Variants in MALRD1 observed in about 807,000 individuals in gnomAD.
MALRD1 encodes MAM and LDL-receptor class A domain-containing protein 1.
A neutral mutation model predicts 242.1 loss-of-function variants in MALRD1; 247 were observed. That is an observed-to-expected ratio of 1.02 (90% CI 0.92 to 1.13). The LOEUF is 1.13. Among genes scored for constraint, MALRD1 ranks in the 50% most tolerant of loss-of-function variants. The pLI, the probability that MALRD1 is intolerant of heterozygous loss-of-function variation, is 0.00. For synonymous variants in MALRD1, 995 were observed against 866.6 expected, an observed-to-expected ratio of 1.15 and a Z score of -2.60; for missense variants, 2,989 against 2,533.1, an observed-to-expected ratio of 1.18 and a Z score of -3.86.
Position 19,257,876 on chromosome 10 carries a change from G to C in MALRD1, c.3079+105G>C. 7 of 724,386 alleles carry C rather than the reference G, an allele frequency of 9.7e-6. No individual in the cohort carries two copies. In the South Asian group the frequency reaches 1.9e-4, roughly 20 times the overall value. The allele number at this position is 724,386 out of a possible 1,614,324, so 44.9% of individuals were successfully genotyped here. ...TCTACAAAATTTCCAATATGACCTT[G>C]CTTTTATTCTTTTTCTCAAAACTAT... On this transcript the variant is annotated intron_variant, in intron 19 of 39. Coordinates refer to ENST00000454679, the MANE Select transcript of MALRD1 (RefSeq NM_001142308.3).
At chr10:19,207,744 TGCCCGCCTTG>T (rs1441283655) in intron 17 of MALRD1, among the ~76,000 whole-genome samples, 2 of 152,134 alleles carry the variant, frequency 1.3e-5, no homozygotes, top group Non-Finnish European at 2.9e-5. Flanking sequence ...TCGAGTGATC[TGCCCGCCTTG>T]GCCTCCCAAA....
At chr10:19,061,919 A>T (rs1174169181) in intron 1 of MALRD1, among the ~76,000 whole-genome samples, 2 of 152,226 alleles carry the variant, frequency 1.3e-5, no homozygotes, top group African/African-American at 4.8e-5. Context: ...CAAAACAGAT[A>T]CATTGACTTC....
At chr10:19,411,923 G>A (rs1833291200) in intron 28 of MALRD1, among the ~76,000 whole-genome samples, 2 of 152,254 alleles carry the variant, frequency 1.3e-5, no homozygotes, top group South Asian at 4.1e-4. Flanking sequence ...AAGCCTTGTG[G>A]GACAACTGAC....
rs1835537850 is a variant in MALRD1, at chr10:19,552,675, T to G, written c.5479-14827T>G. Among the ~76,000 whole-genome samples the G allele has an allele frequency of 2.6e-5, 4 of 152,092 alleles. 1 individual carries two copies. In the South Asian group the frequency reaches 8.3e-4, roughly 32 times the overall value. On this transcript the variant is annotated intron_variant, in intron 32 of 39. Coordinates refer to ENST00000454679, the MANE Select transcript of MALRD1 (RefSeq NM_001142308.3). ...TAGATGGATTTGTCTTTTATATAAG[T>G]TGATGAATTGATTATCGTAGAAATA...
intron 14 of MALRD1, among the ~76,000 whole-genome samples, chr10:19,195,731 A>G (rs1836207420): frequency 6.6e-6 from 1 of 152,124 alleles, no homozygotes; most frequent in South Asian, 2.1e-4. Context: ...AGCATAGCTG[A>G]ATGTGGCTAG....
At chr10:19,174,774 G>A (rs527636381) in intron 13 of MALRD1, among the ~76,000 whole-genome samples, 1 of 151,948 alleles carries the variant, frequency 6.6e-6, no homozygotes, top group African/African-American at 2.4e-5. Context: ...TATATATTAT[G>A]TTTGTATGAA....
At chr10:19,359,005 A>G (rs1330718746) in intron 26 of MALRD1, among the ~76,000 whole-genome samples, 1 of 152,200 alleles carries the variant, frequency 6.6e-6, no homozygotes, top group Admixed American at 6.6e-5. Flanking sequence ...ATGGAGAAGA[A>G]AGAACAGTCA....
chr10:19,075,461 G>T (rs979876070), intron 2 of MALRD1, among the ~76,000 whole-genome samples: 3 of 152,066 alleles, frequency 2.0e-5, no homozygotes, highest in African/African-American at 7.2e-5. Context: ...TTTAAAGTTT[G>T]AGGACTTGAC....
At chr10:19,454,707 C>T (rs1835542327) in intron 29 of MALRD1, among the ~76,000 whole-genome samples, 1 of 103,044 alleles carries the variant, frequency 9.7e-6, no homozygotes, top group African/African-American at 4.3e-5. Flanking sequence ...ACTGTCCGTG[C>T]ACACGTACAC....
intron 36 of MALRD1, among the ~76,000 whole-genome samples, chr10:19,623,636 A>G (rs188079357): frequency 2.0e-5 from 3 of 152,232 alleles, no homozygotes; most frequent in East Asian, 3.9e-4. Context: ...TGTACATCCA[A>G]ACTCCCAAGA....
At chr10:19,135,030 A>G (rs1833280942) in intron 9 of MALRD1, among the ~76,000 whole-genome samples, 1 of 152,206 alleles carries the variant, frequency 6.6e-6, no homozygotes, top group South Asian at 2.1e-4. Context: ...AGCAGCATAC[A>G]AAGTTTTCTT....
chr10:19,168,800 C>T (rs1588642540), intron 13 of MALRD1, among the ~76,000 whole-genome samples: 1 of 152,240 alleles, frequency 6.6e-6, no homozygotes, highest in East Asian at 1.9e-4. Context: ...CCTTGTGTTG[C>T]TTTTTCTCTC....
At chr10:19,512,858 A>G (rs905670065) in intron 31 of MALRD1, among the ~76,000 whole-genome samples, 2 of 152,166 alleles carry the variant, frequency 1.3e-5, no homozygotes, top group African/African-American at 2.4e-5. Flanking sequence ...TGAAATTTCC[A>G]TAATGATTCA....
intron 36 of MALRD1, among the ~76,000 whole-genome samples, chr10:19,674,663 G>A (rs1038316325): frequency 8.6e-5 from 13 of 151,998 alleles, no homozygotes; most frequent in African/African-American, 2.7e-4. Context: ...ACATTTGAAA[G>A]GAAAAATTTT....
At position 19,205,210 on chromosome 10, in the gene MALRD1, T is replaced by C. The variant is rs1227073270; in HGVS notation, c.2523T>C (p.Leu841=). ...CRHTRACIEK[L]RLCDLVDDCG... is the part of the protein sequence containing the mutation. The stretch of plus-strand genomic sequence containing the variant: ...ACACCAGGGCTTGCATAGAAAAGCT[T>C]CGGTTATGTGATCTGGTGGATGACT... Residue 841 remains leucine (L), a synonymous_variant, in exon 17 of 40, where the codon CTT becomes CTC. Coordinates refer to ENST00000454679, the MANE Select transcript of MALRD1 (RefSeq NM_001142308.3). 1.3e-6 allele frequency: 2 copies of C among 1,550,944 alleles called. No homozygotes were observed. Among genetic ancestry groups the C allele is most frequent in the Non-Finnish European group, 1.7e-6 (2 of 1,147,080 alleles).
At chr10:19,205,615 T>C (rs551996524) in intron 17 of MALRD1, among the ~76,000 whole-genome samples, 2 of 152,148 alleles carry the variant, frequency 1.3e-5, no homozygotes, top group East Asian at 3.9e-4. Context: ...CCTTATATAA[T>C]AGTGGCATTG....
intron 11 of MALRD1, among the ~76,000 whole-genome samples, chr10:19,148,910 A>T (rs1588615723): frequency 1.3e-5 from 2 of 151,394 alleles, no homozygotes; most frequent in African/African-American, 4.9e-5. Context: ...AGGAGAATTT[A>T]AAAAAATGAA....
chr10:19,548,049 G>A (rs1229960155), intron 32 of MALRD1, among the ~76,000 whole-genome samples: 1 of 132,232 alleles, frequency 7.6e-6, no homozygotes, highest in African/African-American at 2.9e-5. Flanking sequence ...TGGCCGGGCT[G>A]GAGTGCAATG....
At chr10:19,646,665 T>G (rs948240104) in intron 36 of MALRD1, among the ~76,000 whole-genome samples, 1 of 152,178 alleles carries the variant, frequency 6.6e-6, no homozygotes, top group Non-Finnish European at 1.5e-5. Context: ...TTAGGCTCTA[T>G]TAGTTTATCA....
Sources: gnomAD v4.1 joint callset for allele counts (sites outside exome capture counted in the v4.1 genomes callset) on GRCh38, gnomAD v4.1.1 for gene constraint, MANE v1.5 for transcripts, NCBI Gene and HGNC (gene_info 2026-07-23, HGNC 2026-07-21) for gene names.